ASIC2: variants seen among roughly 807,000 people sequenced by gnomAD.
ASIC2 encodes the protein acid-sensing ion channel 2.
ASIC2 carries 25 observed loss-of-function variants against 57.3 expected under a neutral mutation model. The ratio of observed to expected loss-of-function variants is 0.44; its 90% CI spans 0.32 to 0.61. The LOEUF is 0.61. ASIC2 is among the 20% of genes least tolerant of loss of function. The pLI, the probability that ASIC2 is intolerant of heterozygous loss-of-function variation, is 0.06. For missense variants in ASIC2, 641 were observed against 738.1 expected (o/e 0.87, Z 1.52); for synonymous variants, 319 against 307.5 (o/e 1.04, Z -0.39).
intron 1 of ASIC2, among the ~76,000 whole-genome samples, chr17:33,911,244 C>A (rs1003454665): frequency 6.6e-6 from 1 of 152,070 alleles, no homozygotes; most frequent in Admixed American, 6.5e-5. Flanking sequence ...TACAAATGAG[C>A]GTATCAGTTA....
At chr17:33,971,408 G>A (rs1318789520) in intron 1 of ASIC2, among the ~76,000 whole-genome samples, 2 of 152,144 alleles carry the variant, frequency 1.3e-5, no homozygotes, top group Non-Finnish European at 2.9e-5. Flanking sequence ...AGGCAACCAG[G>A]AGAACATTTC....
intron 1 of ASIC2, among the ~76,000 whole-genome samples, chr17:33,195,198 G>T (rs1442722760): frequency 6.6e-6 from 1 of 152,140 alleles, no homozygotes; most frequent in Non-Finnish European, 1.5e-5. Context: ...CAGGCAGCTG[G>T]CACAAAGCAG....
chr17:33,878,272 A>G (rs1052164555), intron 1 of ASIC2, among the ~76,000 whole-genome samples: 6 of 152,234 alleles, frequency 3.9e-5, no homozygotes, highest in African/African-American at 1.4e-4. Context: ...GACTTTGACA[A>G]GTTGAGAGAA....
At chr17:33,898,065 G>A (rs1370588557) in intron 1 of ASIC2, among the ~76,000 whole-genome samples, 1 of 152,100 alleles carries the variant, frequency 6.6e-6, no homozygotes. Flanking sequence ...AATTGGACAT[G>A]CAACAGGATT....
At chr17:33,421,630 A>G (rs1170434333) in intron 1 of ASIC2, among the ~76,000 whole-genome samples, 1 of 152,236 alleles carries the variant, frequency 6.6e-6, no homozygotes, top group Non-Finnish European at 1.5e-5. Flanking sequence ...ACAAAGAGAA[A>G]TCAGAGCAGC....
intron 1 of ASIC2, among the ~76,000 whole-genome samples, chr17:33,246,886 C>T (rs192261288): frequency 2.0e-5 from 3 of 152,218 alleles, no homozygotes; most frequent in African/African-American, 7.2e-5. Context: ...GAGGGTTCCC[C>T]AGCACAGCCA....
intron 1 of ASIC2, among the ~76,000 whole-genome samples, chr17:33,765,701 C>A (rs956704730): frequency 1.3e-5 from 2 of 152,174 alleles, no homozygotes. Flanking sequence ...TTCTTGAGAG[C>A]AAGTTTTTGG....
intron 1 of ASIC2, among the ~76,000 whole-genome samples, chr17:33,280,429 T>A (rs1007825193): frequency 3.0e-5 from 4 of 135,244 alleles, no homozygotes; most frequent in Non-Finnish European, 6.6e-5. Flanking sequence ...CCTGTATACA[T>A]CCTGCAGTTG....
intron 1 of ASIC2, among the ~76,000 whole-genome samples, chr17:33,368,701 G>T (rs953792588): frequency 1.3e-5 from 2 of 152,062 alleles, no homozygotes; most frequent in Non-Finnish European, 2.9e-5. Flanking sequence ...CCCATTTAAG[G>T]CTTCATCTTG....
intron 1 of ASIC2, among the ~76,000 whole-genome samples, chr17:33,771,753 A>G (rs1327747408): frequency 1.3e-5 from 2 of 152,188 alleles, no homozygotes; most frequent in African/African-American, 4.8e-5. Context: ...ATGATTGTAC[A>G]TATTTCTGGG....
At chr17:34,132,189 C>T (rs1911996177) in intron 1 of ASIC2, among the ~76,000 whole-genome samples, 1 of 152,174 alleles carries the variant, frequency 6.6e-6, no homozygotes. Flanking sequence ...TTTGAATCTC[C>T]TAGTGTGTCC....
intron 3 of ASIC2, among the ~76,000 whole-genome samples, chr17:33,039,166 G>C (rs2091921075): frequency 1.3e-5 from 2 of 152,206 alleles, no homozygotes; most frequent in South Asian, 4.1e-4. Flanking sequence ...TGGCTCTTCT[G>C]TTATGTCAGT....
At chr17:33,552,969 C>T (rs1158815418) in intron 1 of ASIC2, among the ~76,000 whole-genome samples, 1 of 152,162 alleles carries the variant, frequency 6.6e-6, no homozygotes, top group African/African-American at 2.4e-5. Flanking sequence ...CCCAACTGAA[C>T]CCTGGGCCCA....
At chr17:33,994,148 G>C (rs772839194) in intron 1 of ASIC2, among the ~76,000 whole-genome samples, 7 of 152,166 alleles carry the variant, frequency 4.6e-5, no homozygotes, top group Non-Finnish European at 7.3e-5. Context: ...AGAGCTGTCT[G>C]AGGCTGGTGT....
chr17:33,521,877 T>G (rs996885469), intron 1 of ASIC2, among the ~76,000 whole-genome samples: 1 of 152,192 alleles, frequency 6.6e-6, no homozygotes, highest in Non-Finnish European at 1.5e-5. Flanking sequence ...GCTGTTCCTC[T>G]GGGTGTGCAT....
At chr17:33,656,696 C>T (rs1397072280) in intron 1 of ASIC2, among the ~76,000 whole-genome samples, 1 of 152,156 alleles carries the variant, frequency 6.6e-6, no homozygotes, top group East Asian at 1.9e-4. Flanking sequence ...TTGTGTTCCC[C>T]CTCTGTGTTT....
intron 1 of ASIC2, among the ~76,000 whole-genome samples, chr17:33,531,552 G>A (rs1915052288): frequency 6.6e-6 from 1 of 152,218 alleles, no homozygotes; most frequent in Admixed American, 6.5e-5. Flanking sequence ...TCCTTGAGCT[G>A]TGGGGTTGGT....
At chr17:33,606,839 T>C (rs913012407) in intron 1 of ASIC2, among the ~76,000 whole-genome samples, 1 of 152,122 alleles carries the variant, frequency 6.6e-6, no homozygotes, top group Non-Finnish European at 1.5e-5. Flanking sequence ...CAACCCAGGG[T>C]CTGGAGGTCC....
At chr17:33,718,142 T>G (rs1474840666) in intron 1 of ASIC2, among the ~76,000 whole-genome samples, 1 of 152,124 alleles carries the variant, frequency 6.6e-6, no homozygotes, top group Admixed American at 6.5e-5. Flanking sequence ...GCACATAACC[T>G]ACACACATGC....
Sources: allele counts gnomAD v4.1 joint callset (sites outside exome capture counted in the v4.1 genomes callset), GRCh38; gene constraint gnomAD v4.1.1; transcripts MANE v1.5; gene names NCBI Gene and HGNC (gene_info 2026-07-23, HGNC 2026-07-21).